Variants in SLCO3A1 observed in about 807,000 individuals in gnomAD.
The protein encoded by SLCO3A1 is solute carrier organic anion transporter family member 3A1.
SLCO3A1 carries 27 observed loss-of-function variants against 63.1 expected under a neutral mutation model. The observed-to-expected ratio is 0.43, with a 90% CI of 0.32 to 0.59. The LOEUF is 0.59. Ranked by LOEUF, SLCO3A1 falls within the 20% of genes least tolerant of loss-of-function variation. SLCO3A1 has a pLI of 0.09. For missense variants in SLCO3A1, 773 were observed against 945.8 expected, an observed-to-expected ratio of 0.82 and a Z score of 2.40; for synonymous variants, 473 against 409.9, an observed-to-expected ratio of 1.15 and a Z score of -1.86.
intron 3 of SLCO3A1, among the ~76,000 whole-genome samples, chr15:92,103,617 TCTG>T (rs1210824094): frequency 6.6e-6 from 1 of 152,100 alleles, no homozygotes; most frequent in East Asian, 1.9e-4. Context: ...CAGGCACTCT[TCTG>T]AGCATTTTAT....
chr15:92,000,842 G>C (rs1002864011), intron 2 of SLCO3A1, among the ~76,000 whole-genome samples: 1 of 152,136 alleles, frequency 6.6e-6, no homozygotes. Context: ...ACGCTTGTAC[G>C]CTTGTATTCA....
At chr15:92,116,247 C>T (rs1384815624) in intron 4 of SLCO3A1, among the ~76,000 whole-genome samples, 1 of 152,224 alleles carries the variant, frequency 6.6e-6, no homozygotes, top group Non-Finnish European at 1.5e-5. Flanking sequence ...CGTTAGTTTT[C>T]ATGACTCCTC....
At chr15:91,986,602 A>C (rs919846862) in intron 2 of SLCO3A1, among the ~76,000 whole-genome samples, 9 of 152,170 alleles carry the variant, frequency 5.9e-5, no homozygotes, top group Non-Finnish European at 1.0e-4. Flanking sequence ...AAAAAAAAAA[A>C]AAACTAGGTT....
chr15:92,148,241 T>G (rs2048256014), intron 8 of SLCO3A1, among the ~76,000 whole-genome samples: 1 of 152,138 alleles, frequency 6.6e-6, no homozygotes, highest in Admixed American at 6.5e-5. Context: ...CTTGCCTAAT[T>G]GGGATGCAGT....
intron 1 of SLCO3A1, among the ~76,000 whole-genome samples, chr15:91,909,311 T>C (rs1898410496): frequency 6.6e-6 from 1 of 152,232 alleles, no homozygotes; most frequent in African/African-American, 2.4e-5. Context: ...TAAAGTTTTA[T>C]TGAAACACAG....
At chr15:92,104,658 A>T in intron 4 of SLCO3A1, 116 bp downstream of exon 4, 1 of 1,080,354 alleles carries the variant, frequency 9.3e-7, no homozygotes, top group Non-Finnish European at 1.3e-6. Context: ...GAGGCAGAAT[A>T]ATATTGGCTT....
chr15:92,109,087 C>G (rs771564784), intron 4 of SLCO3A1, among the ~76,000 whole-genome samples: 48 of 152,128 alleles, frequency 3.2e-4, no homozygotes, highest in Non-Finnish European at 1.9e-4. Flanking sequence ...TTCTTGCAAG[C>G]CTGCATGTAT....
chr15:92,040,321 G>A (rs1405481359), intron 2 of SLCO3A1, among the ~76,000 whole-genome samples: 1 of 152,146 alleles, frequency 6.6e-6, no homozygotes, highest in Admixed American at 6.5e-5. Flanking sequence ...AGAAAAATTT[G>A]GAATGTCTAT....
chr15:91,895,374 A>G (rs1897978010), intron 1 of SLCO3A1, among the ~76,000 whole-genome samples: 1 of 152,206 alleles, frequency 6.6e-6, no homozygotes, highest in Non-Finnish European at 1.5e-5. Flanking sequence ...CAGGAAAGGA[A>G]GTGTCAAGTA....
Position 91,865,988 on chromosome 15 carries a change from G to A in SLCO3A1, c.180+11900G>A, listed in dbSNP as rs150715122. ...ATTGTTGGATATTCGTAAGAGAGTC[G>A]TTCATACCCAAAGATATCATTTCAA... On this transcript the variant is annotated intron_variant, in intron 1 of 9. Coordinates refer to ENST00000318445, the MANE Select transcript of SLCO3A1 (RefSeq NM_013272.4). The surrounding 1 kb of genome is among the most constrained non-coding windows in gnomAD (Gnocchi z 4.6). 1.2e-4 allele frequency among the ~76,000 whole-genome samples: 18 copies of A among 152,254 alleles called. No individual in the cohort carries two copies. Among genetic ancestry groups the A allele is most frequent in the East Asian group, 3.9e-4 (2 of 5,170 alleles).
chr15:91,989,397 G>A (rs901252365), intron 2 of SLCO3A1, among the ~76,000 whole-genome samples: 2 of 152,108 alleles, frequency 1.3e-5, no homozygotes, highest in African/African-American at 4.8e-5. Flanking sequence ...TGTGGCCCCC[G>A]TTTCCAGCCC....
intron 3 of SLCO3A1, among the ~76,000 whole-genome samples, chr15:92,096,449 G>C (rs1221630815): frequency 1.3e-5 from 2 of 152,210 alleles, no homozygotes; most frequent in Non-Finnish European, 2.9e-5. Flanking sequence ...GGACCGTCTG[G>C]GTCATTGCCT....
chr15:91,904,287 T>G lies in SLCO3A1; in HGVS notation c.181-11706T>G, dbSNP rs760561282. Among the ~76,000 whole-genome samples, 6 of 152,336 alleles carry G rather than the reference T, an allele frequency of 3.9e-5. No individual in the cohort carries two copies. The South Asian group carries it at 1.2e-3, about 32-fold the overall frequency. ...CATTTTTAGCACCTTGACCAGATAC[T>G]GTGCATCCAACAAGTAGGAAACTGT... On this transcript the variant is annotated intron_variant, in intron 1 of 9. Coordinates refer to ENST00000318445, the MANE Select transcript of SLCO3A1 (RefSeq NM_013272.4).
In SLCO3A1 at chr15:91,916,322, G is replaced by A. The variant is rs1898658521; in HGVS notation, c.510G>A (p.Arg170=). ...ACCCCGACCTCATCTGCCGCAACCG[G>A]ACGGCTACCAACATGATGTACTTGC... is the stretch of plus-strand genomic sequence containing the variant. ...GPDPDLICRN[R]TATNMMYLLL... The change falls in exon 2 of 10, where the codon CGG becomes CGA. Residue 170 remains arginine (R), a synonymous_variant. Transcript: ENST00000318445. The surrounding 1 kb of genome is among the most constrained non-coding windows in gnomAD (Gnocchi z 6.2). 1 of 1,595,368 alleles carries A rather than the reference G, an allele frequency of 6.3e-7. No individual in the cohort carries two copies. The highest frequency in any genetic ancestry group is 8.5e-7 in the Non-Finnish European group (1 of 1,171,318).
chr15:91,896,673 G>T (rs1257491305), intron 1 of SLCO3A1, among the ~76,000 whole-genome samples: 1 of 152,172 alleles, frequency 6.6e-6, no homozygotes, highest in Admixed American at 6.5e-5. Flanking sequence ...TGATTGTGAG[G>T]CCTCCCCAGC....
At chr15:92,137,696 G>A (rs1359053444) in intron 7 of SLCO3A1, among the ~76,000 whole-genome samples, 16 of 106,910 alleles carry the variant, frequency 1.5e-4, no homozygotes, top group Non-Finnish European at 2.5e-4. Context: ...TCTCATTGTG[G>A]TTTTGATTTG....
rs1878569009 is a variant in SLCO3A1 at position 91,967,627 on chromosome 15, A to G, written c.646+51169A>G. Among the ~76,000 whole-genome samples the G allele has an allele frequency of 6.6e-6, 1 of 152,068 alleles. No homozygotes were observed. Among genetic ancestry groups the G allele is most frequent in the African/African-American group, 2.4e-5 (1 of 41,384 alleles). On this transcript the variant is annotated intron_variant, in intron 2 of 9. Transcript: ENST00000318445. The surrounding 1 kb of genome is among the most constrained non-coding windows in gnomAD (Gnocchi z 4.4). Reference sequence around the variant, plus strand: ...GATAATCCCATATGAAATAAATTAAACCCGTTTTACAGATGGATTAATTGT... The same window carrying G: ...GATAATCCCATATGAAATAAATTAAGCCCGTTTTACAGATGGATTAATTGT...
Position 91,917,621 on chromosome 15 carries a change from A to G in SLCO3A1, c.646+1163A>G, listed in dbSNP as rs548599379. 3.1e-4 allele frequency among the ~76,000 whole-genome samples: 47 copies of G among 152,302 alleles called. 1 individual carries two copies. The South Asian group carries it at 3.3e-3, about 11-fold the overall frequency. On this transcript the variant is annotated intron_variant, in intron 2 of 9. Transcript: ENST00000318445. ...CTCTCCATTCAGAGGATGGAGCACC[A>G]GTGAGCCTAGTCACCAGCTACCTAT...
At chr15:92,151,301 G>A (rs528053174) in intron 9 of SLCO3A1, 1 of 293,506 alleles carries the variant, frequency 3.4e-6, no homozygotes, top group Non-Finnish European at 6.3e-6. Flanking sequence ...AAAAAATCTG[G>A]TGGTGTAATT....
Sources: gnomAD v4.1 joint callset for allele counts (sites outside exome capture counted in the v4.1 genomes callset) on GRCh38, gnomAD v4.1.1 for gene constraint, Gnocchi (gnomAD v3.1) non-coding constraint, MANE v1.5 for transcripts, NCBI Gene and HGNC (gene_info 2026-07-23, HGNC 2026-07-21) for gene names.